Variants in CCDC85C observed in about 807,000 individuals in gnomAD.
CCDC85C encodes the protein coiled-coil domain containing 85C, also known as coiled-coil domain-containing protein 85C.
CCDC85C carries 18 observed loss-of-function variants against 38.3 expected under a neutral mutation model. The ratio of observed to expected loss-of-function variants is 0.47; its 90% CI spans 0.33 to 0.70. CCDC85C has a LOEUF of 0.70. Ranked by LOEUF, CCDC85C falls within the 30% of genes least tolerant of loss-of-function variation. The pLI is 0.03. For synonymous variants in CCDC85C, 264 were observed against 293.8 expected, an observed-to-expected ratio of 0.90 and a Z score of 1.04; for missense variants, 566 against 621.2, an observed-to-expected ratio of 0.91 and a Z score of 0.94.
intron 2 of CCDC85C, among the ~76,000 whole-genome samples, chr14:99,530,082 G>A (rs1897463524): frequency 1.3e-5 from 2 of 152,198 alleles, no homozygotes; most frequent in African/African-American, 4.8e-5. Context: ...CTGGCATCCT[G>A]CACTTGGCCT....
Position 99,510,781 on chromosome 14 carries a change from A to G in CCDC85C, c.*4465T>C. 2 of 1,432,462 alleles carry G rather than the reference A, an allele frequency of 1.4e-6. No homozygotes were observed. Among genetic ancestry groups the G allele is most frequent in the Non-Finnish European group, 1.8e-6 (2 of 1,093,752 alleles). The allele number at this position is 1,432,462 out of a possible 1,614,324, so 88.7% of individuals were successfully genotyped here. On this transcript the variant is annotated 3_prime_UTR_variant, in exon 6 of 6. Coordinates refer to ENST00000380243, the MANE Select transcript of CCDC85C (RefSeq NM_001144995.2). The stretch of plus-strand genomic sequence containing the variant: ...CTGGGGCGGGCAGCCTGGATGAGAT[A>G]ACGTGAGCCTTTTTTCCCTCTTTGT...
intron 1 of CCDC85C, among the ~76,000 whole-genome samples, chr14:99,586,549 C>A (rs753288574): frequency 2.0e-5 from 3 of 152,230 alleles, no homozygotes; most frequent in Non-Finnish European, 4.4e-5. Flanking sequence ...ATGCCATGGG[C>A]TTGGGGGCTC....
chr14:99,531,892 C>G (rs527502369), intron 2 of CCDC85C, among the ~76,000 whole-genome samples: 10 of 152,354 alleles, frequency 6.6e-5, no homozygotes, highest in Non-Finnish European at 1.0e-4. Context: ...ACCCAGCCAT[C>G]TCTTGATTAT....
At chr14:99,568,535 C>T (rs952132210) in intron 1 of CCDC85C, among the ~76,000 whole-genome samples, 7 of 152,244 alleles carry the variant, frequency 4.6e-5, no homozygotes, top group Admixed American at 4.6e-4. Context: ...ACCCCCACTA[C>T]CACAGGCAAG....
In CCDC85C at chr14:99,588,158, G is replaced by T. The variant is rs2055047268; in HGVS notation, c.793+15009C>A. Among the ~76,000 whole-genome samples the T allele has an allele frequency of 6.6e-6, 1 of 152,126 alleles. No homozygotes were observed. Among genetic ancestry groups the T allele is most frequent in the Admixed American group, 6.5e-5 (1 of 15,270 alleles). ...AGCAGACCAACAAGGGGCAGGTCTG[G>T]GGAGACAAGCATCTCAGCCGAACAC... On this transcript the variant is annotated intron_variant, in intron 1 of 5. Transcript: ENST00000380243. The surrounding 1 kb of genome is among the most constrained non-coding windows in gnomAD (Gnocchi z 5.0).
At chr14:99,574,345 T>C (rs762083066) in intron 1 of CCDC85C, among the ~76,000 whole-genome samples, 5 of 152,102 alleles carry the variant, frequency 3.3e-5, no homozygotes, top group Non-Finnish European at 7.4e-5. Context: ...GAATCCTTCC[T>C]GGATTGGAAG....
intron 1 of CCDC85C, among the ~76,000 whole-genome samples, chr14:99,541,695 G>C (rs146129229): frequency 6.6e-6 from 1 of 152,222 alleles, no homozygotes; most frequent in Admixed American, 6.5e-5. Flanking sequence ...CTCCTGGGCA[G>C]AGCTGCAGGT....
Position 99,520,764 on chromosome 14 carries a change from C to T in CCDC85C, c.975+1369G>A, listed in dbSNP as rs149347101. 3.3e-3 allele frequency among the ~76,000 whole-genome samples: 506 copies of T among 152,338 alleles called. 2 individuals are homozygous for T. The highest frequency in any genetic ancestry group is 5.7e-3 in the Admixed American group (87 of 15,300). On this transcript the variant is annotated intron_variant, in intron 3 of 5. Coordinates refer to ENST00000380243, the MANE Select transcript of CCDC85C (RefSeq NM_001144995.2). The surrounding 1 kb of genome is among the most constrained non-coding windows in gnomAD (Gnocchi z 4.1). Reference sequence around the variant, plus strand: ...TCACCATGGGGCCCTGGCCATCCACCCCACCCCTGTGAGCCTCACTTCCTC... The same window carrying T: ...TCACCATGGGGCCCTGGCCATCCACTCCACCCCTGTGAGCCTCACTTCCTC...
chr14:99,541,742 A>G (rs971057205), intron 1 of CCDC85C, among the ~76,000 whole-genome samples: 17 of 152,152 alleles, frequency 1.1e-4, no homozygotes, highest in Non-Finnish European at 1.9e-4. Context: ...CAGAAACAGG[A>G]AGTGCCTCAG....
chr14:99,540,808 G>T (rs1441512452), intron 1 of CCDC85C, among the ~76,000 whole-genome samples: 14 of 152,222 alleles, frequency 9.2e-5, no homozygotes, highest in Non-Finnish European at 2.1e-4. Flanking sequence ...CCCATGAGGA[G>T]GGGGTGGGGG....
At position 99,576,215 on chromosome 14, in the gene CCDC85C, G is replaced by A. The variant is rs1360632821; in HGVS notation, c.793+26952C>T. On this transcript the variant is annotated intron_variant, in intron 1 of 5. Coordinates refer to ENST00000380243, the MANE Select transcript of CCDC85C (RefSeq NM_001144995.2). This position sits in a 1 kb window ranked among gnomAD's most constrained non-coding sequence, Gnocchi z 4.8. ...GTGACCTTGGGTGAGGATTTCAAGA[G>A]CCCTTCAGTAAAACTCAGAGCATGG... is the stretch of plus-strand genomic sequence containing the variant. 1.3e-5 allele frequency among the ~76,000 whole-genome samples: 2 copies of A among 152,312 alleles called. No individual in the cohort carries two copies. Among genetic ancestry groups the A allele is most frequent in the South Asian group, 4.1e-4 (2 of 4,824 alleles).
At position 99,512,091 on chromosome 14, in the gene CCDC85C, T is replaced by C. The variant is rs1196651586; in HGVS notation, c.*3155A>G. 1.3e-5 allele frequency: 2 copies of C among 152,254 alleles called. No homozygotes were observed. Among genetic ancestry groups the C allele is most frequent in the Admixed American group, 6.5e-5 (1 of 15,292 alleles). The allele number at this position is 152,254 out of a possible 1,614,324, so 9.4% of individuals were successfully genotyped here. A position where few individuals can be genotyped will look rare whatever the true frequency, so the allele number is the denominator to read the frequency against. The stretch of plus-strand genomic sequence containing the variant: ...CTCAAAGTAGACACTATCACAATCT[T>C]GTTTGTTACTCCTTTTACTAAAATA... On this transcript the variant is annotated 3_prime_UTR_variant, in exon 6 of 6. Coordinates refer to ENST00000380243, the MANE Select transcript of CCDC85C (RefSeq NM_001144995.2).
intron 2 of CCDC85C, among the ~76,000 whole-genome samples, chr14:99,524,231 C>CT (rs1345940695): frequency 6.6e-6 from 1 of 152,140 alleles, no homozygotes; most frequent in Non-Finnish European, 1.5e-5. Flanking sequence ...TACACACAGT[C>CT]TGACTACTGG....
chr14:99,534,283 AGACAGAG>A (rs1296630281), intron 2 of CCDC85C, among the ~76,000 whole-genome samples: 2 of 151,698 alleles, frequency 1.3e-5, no homozygotes, highest in Non-Finnish European at 1.5e-5. Flanking sequence ...TGAACCCGGG[AGACAGAG>A]GGTTGTGGTG....
At chr14:99,581,468 C>T (rs1028152320) in intron 1 of CCDC85C, among the ~76,000 whole-genome samples, 2 of 152,228 alleles carry the variant, frequency 1.3e-5, no homozygotes, top group Admixed American at 6.5e-5. Context: ...GGCCTCGCTC[C>T]CCCCACCCAT....
In CCDC85C at chr14:99,504,547, T is replaced by TTCAAGCAATTCTCCTGCC. The variant is rs1896925902; in HGVS notation, c.*10681_*10698dup. 6.6e-6 allele frequency: 1 copy of TTCAAGCAATTCTCCTGCC among 150,944 alleles called. No individual in the cohort carries two copies. The highest frequency in any genetic ancestry group is 6.6e-5 in the Admixed American group (1 of 15,040). The allele number at this position is 150,944 out of a possible 1,614,324, so 9.4% of individuals were successfully genotyped here. A position where few individuals can be genotyped will look rare whatever the true frequency, so the allele number is the denominator to read the frequency against. On this transcript the variant is annotated 3_prime_UTR_variant, in exon 6 of 6. Transcript: ENST00000380243. ...CTCACCACAACCTCCGCCTCCTGGG[T>TTCAAGCAATTCTCCTGCC]TCAAGCAATTCTCCTGCCTCAGCCT...
At chr14:99,571,091 C>T (rs1390759686) in intron 1 of CCDC85C, among the ~76,000 whole-genome samples, 1 of 152,180 alleles carries the variant, frequency 6.6e-6, no homozygotes, top group African/African-American at 2.4e-5. Flanking sequence ...GACACTCCCT[C>T]TTCAGCAGAC....
intron 1 of CCDC85C, among the ~76,000 whole-genome samples, chr14:99,555,014 A>G (rs1343589313): frequency 6.6e-6 from 1 of 152,262 alleles, no homozygotes; most frequent in African/African-American, 2.4e-5. Flanking sequence ...GAAAGGTATG[A>G]GCAAGAACAG....
rs111754976 is a variant in CCDC85C, at chr14:99,544,489, G to GGTGTGTGT, written c.794-8409_794-8402dup. ...ATAAAAACAGGGCTAAAATTTGAAG[G>GGTGTGTGT]GTGTGTGTGTGTGTGTGTGTGTGTG... On this transcript the variant is annotated intron_variant, in intron 1 of 5. Coordinates refer to ENST00000380243, the MANE Select transcript of CCDC85C (RefSeq NM_001144995.2). The surrounding 1 kb of genome is among the most constrained non-coding windows in gnomAD (Gnocchi z 5.3). 1.3e-4 allele frequency among the ~76,000 whole-genome samples: 19 copies of GGTGTGTGT among 147,994 alleles called. No homozygotes were observed. The highest frequency in any genetic ancestry group is 2.5e-4 in the African/African-American group (10 of 40,468).
Sources: gnomAD v4.1 joint callset for allele counts (sites outside exome capture counted in the v4.1 genomes callset) on GRCh38, gnomAD v4.1.1 for gene constraint, Gnocchi (gnomAD v3.1) non-coding constraint, MANE v1.5 for transcripts, NCBI Gene and HGNC (gene_info 2026-07-23, HGNC 2026-07-21) for gene names.